The following PTPRR variants were observed in gnomAD, a reference collection of about 807,000 sequenced individuals.
The protein encoded by PTPRR is protein tyrosine phosphatase receptor type R.
PTPRR carries 38 observed loss-of-function variants against 77.2 expected under a neutral mutation model. The observed-to-expected ratio is 0.49, with a 90% CI of 0.38 to 0.65. The LOEUF (loss-of-function observed/expected upper bound fraction) is 0.65. Among genes scored for constraint, PTPRR ranks in the 30% least tolerant of loss-of-function variants. PTPRR has a pLI of 0.00. For missense variants in PTPRR, 744 were observed against 799.2 expected, an observed-to-expected ratio of 0.93 and a Z score of 0.83; for synonymous variants, 299 against 283.1, an observed-to-expected ratio of 1.06 and a Z score of -0.57.
At chr12:70,891,773 TAAAG>T in intron 2 of PTPRR, among the ~76,000 whole-genome samples, 1 of 151,936 alleles carries the variant, frequency 6.6e-6, no homozygotes, top group Non-Finnish European at 1.5e-5. Context: ...GTTAAAAAAA[TAAAG>T]AAAAAAAAGA....
chr12:70,862,444 C>T (rs1024264729), intron 2 of PTPRR, among the ~76,000 whole-genome samples: 1 of 151,816 alleles, frequency 6.6e-6, no homozygotes, highest in Admixed American at 6.6e-5. Flanking sequence ...TTTGTAGGGA[C>T]ATGGATGAAG....
chr12:70,823,166 TTTTC>T (rs1346339244), intron 2 of PTPRR, among the ~76,000 whole-genome samples: 1 of 148,704 alleles, frequency 6.7e-6, no homozygotes, highest in Non-Finnish European at 1.5e-5. Flanking sequence ...GAGTTGTCGT[TTTTC>T]TTTCTGAAAT....
chr12:70,865,943 A>G lies in PTPRR; in HGVS notation c.357+26736T>C, dbSNP rs943261099. ...AATTTTTTAAAGAAATACTGGGTAG[A>G]TAACGAAATGAAGGCAGAAATAAAG... On this transcript the variant is annotated intron_variant, in intron 2 of 13. Coordinates refer to ENST00000283228, the MANE Select transcript of PTPRR (RefSeq NM_002849.4). Among the ~76,000 whole-genome samples, 4 of 152,204 alleles carry G rather than the reference A, an allele frequency of 2.6e-5. No individual in the cohort carries two copies. In the East Asian group the frequency reaches 7.7e-4, roughly 29 times the overall value.
intron 2 of PTPRR, among the ~76,000 whole-genome samples, chr12:70,849,871 G>T (rs555665273): frequency 1.3e-5 from 2 of 152,218 alleles, no homozygotes; most frequent in African/African-American, 4.8e-5. Context: ...CCAAGTAAGA[G>T]CTGTTATTTT....
intron 2 of PTPRR, among the ~76,000 whole-genome samples, chr12:70,846,468 C>T (rs572499414): frequency 3.2e-4 from 48 of 152,140 alleles, no homozygotes; most frequent in Non-Finnish European, 4.3e-4. Context: ...ATATTAGTTA[C>T]GAAGAAGAAA....
At chr12:70,828,036 AG>A (rs1457683584) in intron 2 of PTPRR, among the ~76,000 whole-genome samples, 1 of 152,028 alleles carries the variant, frequency 6.6e-6, no homozygotes, top group African/African-American at 2.4e-5. Flanking sequence ...TTCTTTCATA[AG>A]GGCGCTAATC....
At chr12:70,724,800 GAT>G (rs143640896) in intron 6 of PTPRR, among the ~76,000 whole-genome samples, 7 of 150,586 alleles carry the variant, frequency 4.6e-5, no homozygotes, top group African/African-American at 1.5e-4. Context: ...TGTAAGTCTG[GAT>G]ATATATATAT....
At chr12:70,899,321 A>G (rs2137124439) in intron 1 of PTPRR, among the ~76,000 whole-genome samples, 2 of 151,618 alleles carry the variant, frequency 1.3e-5, no homozygotes, top group South Asian at 4.1e-4. Context: ...AAAGTCCTCA[A>G]CAAAATATTA....
In PTPRR at chr12:70,892,756, G is replaced by C; in HGVS notation, c.280C>G (p.Leu94Val). 1 of 1,613,554 alleles carries C rather than the reference G, an allele frequency of 6.2e-7. No homozygotes were observed. Among genetic ancestry groups the C allele is most frequent in the Non-Finnish European group, 8.5e-7 (1 of 1,179,572 alleles). Residue 94 changes from leucine (L) to valine (V), a missense_variant, in exon 2 of 14, where the codon CTC (leucine) becomes GTC (valine). Around this residue, in one of 3 missense-constraint regions of PTPRR, gnomAD observed 570 missense variants for 573.2 expected, o/e 0.99. Coordinates refer to ENST00000283228, the MANE Select transcript of PTPRR (RefSeq NM_002849.4). ...AFPRPAYDPS[L>V]NLLAMDGQDL... ...TGACCATCCATGGCCAGCAGATTGA[G>C]AGACGGGTCATATGCGGGTCTAGGA... is the stretch of plus-strand genomic sequence containing the variant.
intron 4 of PTPRR, among the ~76,000 whole-genome samples, chr12:70,758,484 A>G (rs1890613154): frequency 6.6e-6 from 1 of 151,534 alleles, no homozygotes; most frequent in Non-Finnish European, 1.5e-5. Flanking sequence ...GCAACAGGGA[A>G]GGCCGTTTAC....
intron 6 of PTPRR, among the ~76,000 whole-genome samples, chr12:70,732,168 C>G (rs1040307997): frequency 6.6e-5 from 10 of 152,194 alleles, no homozygotes; most frequent in Non-Finnish European, 1.3e-4. Flanking sequence ...TATTCATTCT[C>G]ATAGATCCTT....
chr12:70,828,347 G>T (rs931243761), intron 2 of PTPRR, among the ~76,000 whole-genome samples: 2 of 151,928 alleles, frequency 1.3e-5, no homozygotes, highest in African/African-American at 4.8e-5. Flanking sequence ...AACTAATATT[G>T]TCTTACAGAA....
At chr12:70,823,108 G>GACACAC (rs58549756) in intron 2 of PTPRR, among the ~76,000 whole-genome samples, 5,734 of 139,590 alleles carry the variant, frequency 0.041, 168 homozygotes, top group African/African-American at 0.063. Context: ...CTCTCTCTCT[G>GACACAC]ACACACACAC....
rs199757810 is a variant in PTPRR, at chr12:70,717,887, G to GA, written c.1008-16565dup. 7.6e-3 allele frequency among the ~76,000 whole-genome samples: 1,148 copies of GA among 151,266 alleles called. 10 individuals carry two copies. The highest frequency in any genetic ancestry group is 0.026 in the African/African-American group (1,090 of 41,322). ...ATAATGTTTTGCATTGATTCCAAAG[G>GA]AAAAAAAATAGTATTTGCTTTTATT... is the stretch of plus-strand genomic sequence containing the variant. On this transcript the variant is annotated intron_variant, in intron 6 of 13. Coordinates refer to ENST00000283228, the MANE Select transcript of PTPRR (RefSeq NM_002849.4).
chr12:70,898,228 TAA>T (rs145716214), intron 1 of PTPRR, among the ~76,000 whole-genome samples: 34 of 144,442 alleles, frequency 2.4e-4, no homozygotes, highest in East Asian at 1.0e-3. Flanking sequence ...AGAGAAACCT[TAA>T]AAAAAAAAAA....
At chr12:70,895,381 C>T (rs1204908409) in intron 1 of PTPRR, among the ~76,000 whole-genome samples, 2 of 151,318 alleles carry the variant, frequency 1.3e-5, no homozygotes, top group Non-Finnish European at 3.0e-5. Flanking sequence ...TAGAAAAGTC[C>T]AGTTAATAAA....
At chr12:70,664,916 G>T (rs1886931322) in intron 10 of PTPRR, among the ~76,000 whole-genome samples, 1 of 152,190 alleles carries the variant, frequency 6.6e-6, no homozygotes, top group East Asian at 1.9e-4. Context: ...TGAATATGAG[G>T]TGGGGGACAG....
chr12:70,904,077 C>G (rs1456498824), intron 1 of PTPRR, among the ~76,000 whole-genome samples: 1 of 151,838 alleles, frequency 6.6e-6, no homozygotes, highest in Non-Finnish European at 1.5e-5. Context: ...TGGAGAGGAT[C>G]TGGAGCAACT....
At chr12:70,821,375 C>T (rs1470075526) in intron 2 of PTPRR, among the ~76,000 whole-genome samples, 5 of 151,370 alleles carry the variant, frequency 3.3e-5, no homozygotes, top group Non-Finnish European at 5.9e-5. Flanking sequence ...CAGGCACACA[C>T]CACCACGCCC....
Sources: gnomAD v4.1 joint callset for allele counts (sites outside exome capture counted in the v4.1 genomes callset) on GRCh38, gnomAD v4.1.1 for gene constraint, gnomAD v4.1.1 regional missense constraint, MANE v1.5 for transcripts, NCBI Gene and HGNC (gene_info 2026-07-23, HGNC 2026-07-21) for gene names.